The following CARM1 variants were observed in gnomAD, a reference collection of about 807,000 sequenced individuals.
The protein encoded by CARM1 is histone-arginine methyltransferase CARM1.
A neutral mutation model predicts 72.7 loss-of-function variants in CARM1; 14 were observed. The observed-to-expected ratio is 0.19, with a 90% CI of 0.13 to 0.30. The LOEUF is 0.30. Among genes scored for constraint, CARM1 ranks in the 10% least tolerant of loss-of-function variants. The pLI, the probability that CARM1 is intolerant of heterozygous loss-of-function variation, is 1.00. For missense variants in CARM1, 432 were observed against 833.7 expected (o/e 0.52, Z 5.93); for synonymous variants, 333 against 345.5 (o/e 0.96, Z 0.40).
Position 10,921,450 on chromosome 19 carries a change from A to T in CARM1, c.1684+7A>T, listed in dbSNP as rs1013866039. Reference sequence around the variant, plus strand: ...AGCACGGGGATTGTCCAAGGTAACGAGGGTGGCGGGGGCAGGGCCCGTGGG... The same window carrying T: ...AGCACGGGGATTGTCCAAGGTAACGTGGGTGGCGGGGGCAGGGCCCGTGGG... On this transcript the variant is annotated splice_region_variant and intron_variant, in intron 15 of 15. Coordinates refer to ENST00000327064, the MANE Select transcript of CARM1 (RefSeq NM_199141.2). 3 of 1,599,428 alleles carry T rather than the reference A, an allele frequency of 1.9e-6. No homozygotes were observed. In the African/African-American group the frequency reaches 4.0e-5, roughly 22 times the overall value.
At chr19:10,890,903 G>A (rs899865667) in intron 1 of CARM1, among the ~76,000 whole-genome samples, 1 of 149,214 alleles carries the variant, frequency 6.7e-6, no homozygotes, top group Non-Finnish European at 1.5e-5. Context: ...ACAGGAGGTC[G>A]AGGCTGCAGT....
intron 1 of CARM1, among the ~76,000 whole-genome samples, chr19:10,892,005 C>T (rs77653525): frequency 1.3e-3 from 192 of 152,232 alleles, no homozygotes; most frequent in African/African-American, 4.4e-3. Flanking sequence ...TGTGCACTGC[C>T]CCTCCTCCCT....
intron 1 of CARM1, among the ~76,000 whole-genome samples, chr19:10,890,896 G>A (rs2073983329): frequency 6.8e-6 from 1 of 146,810 alleles, no homozygotes; most frequent in African/African-American, 2.5e-5. Flanking sequence ...CTTGAGCACA[G>A]GAGGTCGAGG....
Position 10,904,961 on chromosome 19 carries a change from G to A in CARM1, c.231G>A (p.Val77=). The change falls in exon 2 of 16, where the codon GTG becomes GTA. Residue 77 remains valine (V), a synonymous_variant. Transcript: ENST00000327064. ...AGIALYSHED[V]CVFKCSVSRE... is the part of the protein sequence containing the mutation. ...TGTCTTCTCTCGTAGATGAAGATGT[G>A]TGTGTCTTTAAGTGCTCAGTGTCCC... The A allele has an allele frequency of 6.2e-7, 1 of 1,614,212 alleles. No individual in the cohort carries two copies. Among genetic ancestry groups the A allele is most frequent in the Non-Finnish European group, 8.5e-7 (1 of 1,180,022 alleles).
intron 1 of CARM1, among the ~76,000 whole-genome samples, chr19:10,885,928 C>T (rs2073938448): frequency 7.0e-6 from 1 of 142,900 alleles, no homozygotes; most frequent in South Asian, 2.2e-4. Flanking sequence ...ACAGGGAGTG[C>T]AGCGGTGTGA....
chr19:10,908,182 C>T (rs1244664004), intron 3 of CARM1, 37 bp downstream of exon 3: 1 of 1,387,602 alleles, frequency 7.2e-7, no homozygotes, highest in Admixed American at 1.7e-5. Context: ...CCGCCTCCCC[C>T]CGGCAGCCCC....
chr19:10,914,051 A>G lies in CARM1; in HGVS notation c.844A>G (p.Ser282Gly). ...YLHAKKYLKPSGNMFPTIGDV... is the reference protein window; with the variant it reads ...YLHAKKYLKPGGNMFPTIGDV... Reference sequence around the variant, plus strand: ...CCACGCCAAGAAGTACCTGAAGCCCAGCGGTGAGCACTGGGGGGTACACAG... The same window carrying G: ...CCACGCCAAGAAGTACCTGAAGCCCGGCGGTGAGCACTGGGGGGTACACAG... The change falls in exon 6 of 16, where the codon AGC becomes GGC. Residue 282 changes from serine (S) to glycine (G), a missense_variant. Ser to Gly is a moderately conservative substitution (Grantham distance 56, BLOSUM62 0). Coordinates refer to ENST00000327064, the MANE Select transcript of CARM1 (RefSeq NM_199141.2). 1 of 1,611,416 alleles carries G rather than the reference A, an allele frequency of 6.2e-7. No homozygotes were observed. The highest frequency in any genetic ancestry group is 1.3e-5 in the African/African-American group (1 of 74,994).
intron 1 of CARM1, among the ~76,000 whole-genome samples, chr19:10,897,068 C>T (rs1028260821): frequency 1.3e-5 from 2 of 152,184 alleles, no homozygotes; most frequent in African/African-American, 4.8e-5. Flanking sequence ...AGGAAGCACA[C>T]AATATTTACT....
At chr19:10,884,996 A>G (rs956670082) in intron 1 of CARM1, among the ~76,000 whole-genome samples, 2 of 152,204 alleles carry the variant, frequency 1.3e-5, no homozygotes, top group Non-Finnish European at 2.9e-5. Flanking sequence ...GTGAGCCATC[A>G]TGCCTGGCCG....
chr19:10,891,616 G>C (rs895917105), intron 1 of CARM1, among the ~76,000 whole-genome samples: 2 of 152,200 alleles, frequency 1.3e-5, no homozygotes, highest in Admixed American at 6.5e-5. Flanking sequence ...AAGGATGTTG[G>C]GGGGGTGGTC....
chr19:10,908,984 C>T (rs945896216), intron 3 of CARM1, 119 bp from the exon 4 acceptor site: 7 of 679,466 alleles, frequency 1.0e-5, no homozygotes, highest in African/African-American at 1.8e-5. Context: ...AGAGGGTGCA[C>T]GACCTCCCGA....
chr19:10,919,728 G>T (rs371402010), intron 9 of CARM1, 48 bp downstream of exon 9: 13 of 1,573,518 alleles, frequency 8.3e-6, no homozygotes, highest in Middle Eastern at 1.7e-4. Flanking sequence ...CAGGCCGAAG[G>T]TCAGGGCCAC....
At chr19:10,894,469 C>G (rs2074009855) in intron 1 of CARM1, among the ~76,000 whole-genome samples, 1 of 152,138 alleles carries the variant, frequency 6.6e-6, no homozygotes, top group Non-Finnish European at 1.5e-5. Context: ...ATATTTTCCT[C>G]TGGAAGGTGA....
intron 8 of CARM1, among the ~76,000 whole-genome samples, chr19:10,917,293 C>G (rs138669383): frequency 6.6e-6 from 1 of 151,912 alleles, no homozygotes; most frequent in South Asian, 2.1e-4. Context: ...GAGACCAACA[C>G]GGTGAAACCC....
At chr19:10,901,536 G>A (rs1407517739) in intron 1 of CARM1, among the ~76,000 whole-genome samples, 3 of 151,936 alleles carry the variant, frequency 2.0e-5, no homozygotes, top group Non-Finnish European at 4.4e-5. Context: ...TGTTGCCCAG[G>A]CTGACCTTGA....
chr19:10,890,260 G>GTT (rs377132328), intron 1 of CARM1, among the ~76,000 whole-genome samples: 2,452 of 110,464 alleles, frequency 0.022, 27 homozygotes, highest in Non-Finnish European at 0.031. Flanking sequence ...TTTGTTTTTT[G>GTT]TTTTGTTTGT....
intron 1 of CARM1, among the ~76,000 whole-genome samples, chr19:10,893,000 G>GTA (rs2073998839): frequency 6.6e-6 from 1 of 152,064 alleles, no homozygotes; most frequent in Non-Finnish European, 1.5e-5. Flanking sequence ...CTCCCAAAGT[G>GTA]GTGGGATTAC....
intron 10 of CARM1, 33 bp downstream of exon 10, chr19:10,919,999 T>TC (rs2074227338): frequency 6.4e-7 from 1 of 1,550,632 alleles, no homozygotes; most frequent in African/African-American, 1.4e-5. Context: ...TGCTGCCTCC[T>TC]CCCCACTCCC....
At chr19:10,886,485 C>T (rs1000261162) in intron 1 of CARM1, among the ~76,000 whole-genome samples, 1 of 151,998 alleles carries the variant, frequency 6.6e-6, no homozygotes, top group African/African-American at 2.4e-5. Flanking sequence ...CGTGAGTCAC[C>T]ATGCCCCGCC....
Sources: gnomAD v4.1 joint callset for allele counts (sites outside exome capture counted in the v4.1 genomes callset) on GRCh38, gnomAD v4.1.1 for gene constraint, MANE v1.5 for transcripts, NCBI Gene and HGNC (gene_info 2026-07-23, HGNC 2026-07-21) for gene names.